ARHGDIB: variants seen among roughly 807,000 people sequenced by gnomAD.
ARHGDIB encodes Rho GDP dissociation inhibitor beta, also known as rho GDP-dissociation inhibitor 2.
ARHGDIB carries 20 observed loss-of-function variants against 22.6 expected under a neutral mutation model. That is an observed-to-expected ratio of 0.88 (90% CI 0.62 to 1.28). ARHGDIB has a LOEUF of 1.28. Ranked by LOEUF, ARHGDIB falls within the 50% of genes most tolerant of loss-of-function variation. ARHGDIB has a pLI of 0.00. For synonymous variants in ARHGDIB, 114 were observed against 96.1 expected (o/e 1.19, Z -1.09); for missense variants, 254 against 245.4 (o/e 1.04, Z -0.23).
chr12:14,949,194 T>C (rs1425136842), intron 3 of ARHGDIB, among the ~76,000 whole-genome samples: 4 of 152,108 alleles, frequency 2.6e-5, no homozygotes, highest in African/African-American at 9.7e-5. Context: ...TCCTCCACAA[T>C]AACCCCCTTC....
At chr12:14,944,732 A>G (rs376374003) in intron 5 of ARHGDIB, 44 bp downstream of exon 5, 97 of 1,582,190 alleles carry the variant, frequency 6.1e-5, no homozygotes, top group Non-Finnish European at 8.3e-5. Flanking sequence ...TAAAGTATCA[A>G]TGAGAAGCAG....
Position 14,950,608 on chromosome 12 carries a change from C to T in ARHGDIB, c.105G>A (p.Leu35=). 3 of 1,614,044 alleles carry T rather than the reference C, an allele frequency of 1.9e-6. No homozygotes were observed. Among genetic ancestry groups the T allele is most frequent in the Non-Finnish European group, 2.5e-6 (3 of 1,179,958 alleles). ...TCTCATCATCTTTGTCCATTTCCTG[C>T]AGCTCTTTCAGGGACTTCTGTGGTG... ...KPPPQKSLKE[L]QEMDKDDESL... Residue 35 remains leucine (L), a synonymous_variant, in exon 2 of 6, where the codon CTG becomes CTA. Coordinates refer to ENST00000228945, the MANE Select transcript of ARHGDIB (RefSeq NM_001175.7).
intron 3 of ARHGDIB, among the ~76,000 whole-genome samples, chr12:14,949,306 A>C (rs1864109527): frequency 6.6e-6 from 1 of 152,208 alleles, no homozygotes; most frequent in Non-Finnish European, 1.5e-5. Flanking sequence ...CGCCTTTAGT[A>C]GGAGACGTTG....
At chr12:14,958,966 T>A (rs943824924) in intron 1 of ARHGDIB, among the ~76,000 whole-genome samples, 2 of 152,190 alleles carry the variant, frequency 1.3e-5, no homozygotes, top group African/African-American at 4.8e-5. Flanking sequence ...AAACCAGGAA[T>A]AAGAACTCTC....
At chr12:14,949,087 T>C (rs1217394685) in intron 3 of ARHGDIB, among the ~76,000 whole-genome samples, 1 of 152,142 alleles carries the variant, frequency 6.6e-6, no homozygotes, top group East Asian at 1.9e-4. Context: ...ATTTTTTCAT[T>C]TGGTAACTAT....
chr12:14,944,699 A>G (rs1318662533), intron 5 of ARHGDIB, 77 bp downstream of exon 5: 3 of 1,413,370 alleles, frequency 2.1e-6, no homozygotes, highest in South Asian at 2.5e-5. Flanking sequence ...GTCTATAGCT[A>G]AAAGTTGCTA....
chr12:14,953,818 GCT>G (rs147117659), intron 1 of ARHGDIB, among the ~76,000 whole-genome samples: 2,012 of 146,174 alleles, frequency 0.014, 19 homozygotes, highest in African/African-American at 0.023. Context: ...GCTTTTGCTT[GCT>G]CTCTCTCTCT....
intron 4 of ARHGDIB, among the ~76,000 whole-genome samples, chr12:14,945,697 G>A (rs896179272): frequency 6.6e-6 from 1 of 152,256 alleles, no homozygotes; most frequent in African/African-American, 2.4e-5. Flanking sequence ...AATTATGGCT[G>A]TCCTTTTGTG....
At chr12:14,950,773 A>G (rs1864155544) in intron 1 of ARHGDIB, 49 bp from the exon 2 acceptor site, 1 of 1,496,616 alleles carries the variant, frequency 6.7e-7, no homozygotes, top group Admixed American at 2.2e-5. Context: ...TGAATATAAA[A>G]GATGTTAGTG....
At chr12:14,950,198 C>T (rs776604253) in intron 2 of ARHGDIB, among the ~76,000 whole-genome samples, 2 of 151,904 alleles carry the variant, frequency 1.3e-5, no homozygotes, top group Non-Finnish European at 2.9e-5. Context: ...CTTGTTCTGC[C>T]GCGGTGTATG....
rs1014777139 is a variant in ARHGDIB, at chr12:14,942,341, G to A, written c.*181C>T. ...GAGGGAGCAGGTTGGGTGAAAGCCC[G>A]GTTTTAAGCCTCTTGTTCTAGGGAC... On this transcript the variant is annotated 3_prime_UTR_variant, in exon 6 of 6. Transcript: ENST00000228945. The A allele has an allele frequency of 4.2e-5, 28 of 667,244 alleles. No homozygotes were observed. The East Asian group carries it at 7.5e-4, about 18-fold the overall frequency. The allele number at this position is 667,244 out of a possible 1,614,324, so 41.3% of individuals were successfully genotyped here. A position where few individuals can be genotyped will look rare whatever the true frequency, so the allele number is the denominator to read the frequency against.
At chr12:14,953,841 TTC>T (rs1864237873) in intron 1 of ARHGDIB, among the ~76,000 whole-genome samples, 2 of 148,620 alleles carry the variant, frequency 1.3e-5, no homozygotes, top group East Asian at 4.0e-4. Context: ...CTCTCTCTCT[TTC>T]TCTTTCTCTC....
chr12:14,960,717 G>A (rs937894291), intron 1 of ARHGDIB, among the ~76,000 whole-genome samples: 7 of 152,128 alleles, frequency 4.6e-5, no homozygotes, highest in African/African-American at 1.4e-4. Context: ...TGGTCAAGCC[G>A]GTCTTGAACT....
intron 1 of ARHGDIB, 189 bp from the exon 2 acceptor site, chr12:14,950,913 T>C (rs1387478200): frequency 8.1e-6 from 4 of 490,978 alleles, no homozygotes; most frequent in Non-Finnish European, 1.4e-5. Flanking sequence ...GTAATTTCTC[T>C]GACCTGCCTG....
At chr12:14,944,146 C>T (rs994769380) in intron 5 of ARHGDIB, among the ~76,000 whole-genome samples, 1 of 151,150 alleles carries the variant, frequency 6.6e-6, no homozygotes, top group African/African-American at 2.4e-5. Flanking sequence ...GCCTCCATCA[C>T]CTTCCCGCCT....
chr12:14,960,999 A>G (rs1179688778), intron 1 of ARHGDIB, among the ~76,000 whole-genome samples: 2 of 152,200 alleles, frequency 1.3e-5, no homozygotes, highest in Non-Finnish European at 2.9e-5. Context: ...TTTCTCTTAT[A>G]TCACCAGAAA....
chr12:14,942,771 CAT>C (rs1592283599), intron 5 of ARHGDIB, 50 bp from the exon 6 acceptor site: 1 of 1,524,014 alleles, frequency 6.6e-7, no homozygotes, highest in Non-Finnish European at 9.0e-7. Flanking sequence ...AGAGGAAAAA[CAT>C]ACACTGCAAA....
chr12:14,946,874 T>A (rs754216276), intron 4 of ARHGDIB, among the ~76,000 whole-genome samples: 5 of 152,192 alleles, frequency 3.3e-5, no homozygotes, highest in African/African-American at 1.2e-4. Flanking sequence ...TTACCAAACC[T>A]TCAGGTGCTC....
chr12:14,943,404 GTT>G (rs71038648), intron 5 of ARHGDIB, among the ~76,000 whole-genome samples: 111 of 140,970 alleles, frequency 7.9e-4, no homozygotes, highest in Admixed American at 1.3e-3. Flanking sequence ...TGTTGTTGTT[GTT>G]TTTTTTATGG....
Sources: allele counts gnomAD v4.1 joint callset (sites outside exome capture counted in the v4.1 genomes callset), GRCh38; gene constraint gnomAD v4.1.1; transcripts MANE v1.5; gene names NCBI Gene and HGNC (gene_info 2026-07-23, HGNC 2026-07-21).